Variants in AK1 observed in about 807,000 individuals in gnomAD.
The protein encoded by AK1 is adenylate kinase isoenzyme 1.
AK1 carries 13 observed loss-of-function variants against 23.9 expected under a neutral mutation model. That is an observed-to-expected ratio of 0.54 (90% CI 0.35 to 0.86). The LOEUF is 0.86. Among genes scored for constraint, AK1 ranks in the 40% least tolerant of loss-of-function variants. The pLI, the probability that AK1 is intolerant of heterozygous loss-of-function variation, is 0.01. For missense variants in AK1, 214 were observed against 255.1 expected (o/e 0.84, Z 1.10); for synonymous variants, 97 against 102.8 (o/e 0.94, Z 0.34).
chr9:127,874,334 A>G, intron 2 of AK1: 1 of 985,356 alleles, frequency 1.0e-6, no homozygotes, highest in South Asian at 4.7e-5. Flanking sequence ...TGGCCTCTCC[A>G]TGGGGCAGGG....
At chr9:127,873,238 G>C in intron 2 of AK1, 177 bp from the exon 3 acceptor site, 1 of 1,536,392 alleles carries the variant, frequency 6.5e-7, no homozygotes, top group Non-Finnish European at 8.7e-7. Flanking sequence ...AGTGAGCTCG[G>C]AGCCTGGGAG....
At chr9:127,873,695 T>C in intron 2 of AK1, 1 of 985,390 alleles carries the variant, frequency 1.0e-6, no homozygotes. Context: ...ACAGCCCCAC[T>C]GGGCAGAGGG....
At chr9:127,878,733 G>A (rs1297586653), upstream of AK1, among the ~76,000 whole-genome samples, 1 of 152,206 alleles carries the variant, frequency 6.6e-6, no homozygotes, top group African/African-American at 2.4e-5. Flanking sequence ...CAGGAGACCA[G>A]GAGGCCTGGG....
chr9:127,869,562 G>C (rs1829336771), intron 5 of AK1: 1 of 152,332 alleles, frequency 6.6e-6, no homozygotes, highest in Non-Finnish European at 1.5e-5. Context: ...GTGTGACCTG[G>C]GGCAAGCCCT....
At chr9:127,870,829 A>AATGGGGCATGGGG (rs1395813671) in intron 5 of AK1, among the ~76,000 whole-genome samples, 148 of 52,604 alleles carry the variant, frequency 2.8e-3, no homozygotes, top group African/African-American at 6.2e-3. Context: ...GGGGCATGGG[A>AATGGGGCATGGGG]ATGGGGCATG....
In AK1 at chr9:127,868,234, GCTGGC is replaced by G. The variant is rs1310580634; in HGVS notation, c.516+82_516+86del. 2 of 1,464,574 alleles carry G rather than the reference GCTGGC, an allele frequency of 1.4e-6. No homozygotes were observed. The highest frequency in any genetic ancestry group is 1.9e-6 in the Non-Finnish European group (2 of 1,069,254). 90.7% of individuals were successfully genotyped at this position (1,464,574 alleles called of 1,614,324 possible). A position where few individuals can be genotyped will look rare whatever the true frequency, so the allele number is the denominator to read the frequency against. ...GGGAAACCAAGGCCCAGAGAGAGGG[GCTGGC>G]CTGAGGCCACACAGTGAGCTGAGGC... On this transcript the variant is annotated intron_variant, in intron 6 of 6. Coordinates refer to ENST00000644144, the MANE Select transcript of AK1 (RefSeq NM_000476.3). This position sits in a 1 kb window ranked among gnomAD's most constrained non-coding sequence, Gnocchi z 4.1.
At position 127,871,778 on chromosome 9, in the gene AK1, T is replaced by G. The variant is rs375122190; in HGVS notation, c.324+45A>C. 4.8e-5 allele frequency: 74 copies of G among 1,556,872 alleles called. No homozygotes were observed. The highest frequency in any genetic ancestry group is 6.1e-5 in the Non-Finnish European group (69 of 1,128,776). ...CCCGCCCATGGGGATGGGAGTCTTA[T>G]CCTGCCCCAGCCCACCAGGATCCCC... On this transcript the variant is annotated intron_variant, in intron 5 of 6. Transcript: ENST00000644144. The surrounding 1 kb of genome is among the most constrained non-coding windows in gnomAD (Gnocchi z 4.4).
chr9:127,870,401 A>G (rs1373363399), intron 5 of AK1, among the ~76,000 whole-genome samples: 1 of 152,006 alleles, frequency 6.6e-6, no homozygotes, highest in Non-Finnish European at 1.5e-5. Flanking sequence ...AGTTTTCACC[A>G]TGTTGGCCAG....
chr9:127,876,970 G>A (rs567158806), intron 1 of AK1, among the ~76,000 whole-genome samples: 4 of 152,324 alleles, frequency 2.6e-5, no homozygotes, highest in South Asian at 2.1e-4. Context: ...CAACGTAGTC[G>A]GTTCCCAGTG....
Position 127,877,568 on chromosome 9 carries a change from C to G in AK1, c.-33+55G>C, listed in dbSNP as rs1025748100. The G allele has an allele frequency of 6.5e-5, 10 of 152,712 alleles. No individual in the cohort carries two copies. Among genetic ancestry groups the G allele is most frequent in the African/African-American group, 1.9e-4 (8 of 41,578 alleles). The allele number at this position is 152,712 out of a possible 1,614,324, so 9.5% of individuals were successfully genotyped here. On this transcript the variant is annotated intron_variant, in intron 1 of 6. Transcript: ENST00000644144. The surrounding 1 kb of genome is among the most constrained non-coding windows in gnomAD (Gnocchi z 5.2). ...AGCACGCCCCCGCCCTCCCCCGGTG[C>G]CGCTGCCCCTCCCCGCAGAGGCGCC...
chr9:127,868,455 G>T lies in AK1; in HGVS notation c.382C>A (p.Arg128=). The change falls in exon 6 of 7, where the codon CGG becomes AGG. Residue 128 remains arginine (R), a synonymous_variant. Transcript: ENST00000644144. The surrounding 1 kb of genome is among the most constrained non-coding windows in gnomAD (Gnocchi z 4.1). ...CTGGTCTCTCCACGTTTCAAGAGCC[G>T]CTGGGTCATGGTCTCAGGGCCTGCG... The part of the protein sequence containing the change: ...VDAGPETMTQ[R]LLKRGETSGR... 1.2e-6 allele frequency: 2 copies of T among 1,608,328 alleles called. No homozygotes were observed. Among genetic ancestry groups the T allele is most frequent in the African/African-American group, 1.3e-5 (1 of 74,924 alleles).
At chr9:127,874,081 T>A in intron 2 of AK1, 1 of 985,444 alleles carries the variant, frequency 1.0e-6, no homozygotes, top group Non-Finnish European at 1.2e-6. Flanking sequence ...TGGGTGTCTT[T>A]AAGAGCTGCC....
intron 4 of AK1, 80 bp downstream of exon 4, chr9:127,872,610 C>A (rs1363949009): frequency 4.6e-5 from 73 of 1,585,194 alleles, no homozygotes; most frequent in Non-Finnish European, 5.7e-5. Flanking sequence ...TGCCTGTGTG[C>A]CGTGGGCTTT....
rs768691465 is a variant in AK1, at chr9:127,868,028, G to A, written c.565C>T (p.His189Tyr). 6.2e-7 allele frequency: 1 copy of A among 1,614,150 alleles called. No individual in the cohort carries two copies. The highest frequency in any genetic ancestry group is 8.5e-7 in the Non-Finnish European group (1 of 1,180,016). ...VDSVFSQVCTHLDALK is the reference protein window; with the variant it reads ...VDSVFSQVCTYLDALK ...CGTTGCTACTTTAGGGCGTCCAGGT[G>A]GGTGCAGACCTGGGAGAAGACACTG... The change falls in exon 7 of 7, where the codon CAC (histidine) becomes TAC (tyrosine). Residue 189 changes from histidine to tyrosine, a missense_variant. Transcript: ENST00000644144. This position sits in a 1 kb window ranked among gnomAD's most constrained non-coding sequence, Gnocchi z 4.1.
intron 5 of AK1, among the ~76,000 whole-genome samples, chr9:127,870,840 G>A (rs2131398492): frequency 7.3e-6 from 1 of 137,230 alleles, no homozygotes; most frequent in South Asian, 2.3e-4. Flanking sequence ...ATGGGGCATG[G>A]GGATGGGAGT....
In AK1 at chr9:127,868,355, A is replaced by G. The variant is rs1829298088; in HGVS notation, c.482T>C (p.Ile161Thr). ...AATGCCACGTTTCTCATAGAAGGCG[A>G]TGACAGGTTCTGTGGCCTTGTAATA... ...ETYYKATEPV[I>T]AFYEKRGIVR... Residue 161 changes from isoleucine to threonine, a missense_variant, in exon 6 of 7, where the codon ATC becomes ACC. Ile to Thr is a moderately conservative substitution (Grantham distance 89). Coordinates refer to ENST00000644144, the MANE Select transcript of AK1 (RefSeq NM_000476.3). The surrounding 1 kb of genome is among the most constrained non-coding windows in gnomAD (Gnocchi z 4.1). 1.9e-6 allele frequency: 3 copies of G among 1,608,514 alleles called. No individual in the cohort carries two copies. The highest frequency in any genetic ancestry group is 2.7e-5 in the African/African-American group (2 of 74,832).
At chr9:127,874,021 T>C (rs1829480929) in intron 2 of AK1, 4 of 985,242 alleles carry the variant, frequency 4.1e-6, no homozygotes, top group Admixed American at 1.2e-4. Flanking sequence ...CTATGGCTGT[T>C]GATATTTGGA....
At chr9:127,874,454 G>C (rs980845445) in intron 2 of AK1, 157 bp downstream of exon 2, 1 of 985,336 alleles carries the variant, frequency 1.0e-6, no homozygotes, top group Non-Finnish European at 1.2e-6. Context: ...TCCCGTGAGA[G>C]GCCAGAGGAG....
At position 127,871,769 on chromosome 9, in the gene AK1, G is replaced by T; in HGVS notation, c.324+54C>A. The T allele has an allele frequency of 6.8e-7, 1 of 1,480,314 alleles. No homozygotes were observed. The highest frequency in any genetic ancestry group is 1.4e-5 in the African/African-American group (1 of 71,912). The allele number at this position is 1,480,314 out of a possible 1,614,324, so 91.7% of individuals were successfully genotyped here. ...CCCCGCAGGCCCGCCCATGGGGATGGGAGTCTTATCCTGCCCCAGCCCACC... is the reference window on the plus strand; with the variant it reads ...CCCCGCAGGCCCGCCCATGGGGATGTGAGTCTTATCCTGCCCCAGCCCACC... On this transcript the variant is annotated intron_variant, in intron 5 of 6. Transcript: ENST00000644144. This position sits in a 1 kb window ranked among gnomAD's most constrained non-coding sequence, Gnocchi z 4.4.
Sources: gnomAD v4.1 joint callset for allele counts (sites outside exome capture counted in the v4.1 genomes callset) on GRCh38, gnomAD v4.1.1 for gene constraint, Gnocchi (gnomAD v3.1) non-coding constraint, MANE v1.5 for transcripts, NCBI Gene and HGNC (gene_info 2026-07-23, HGNC 2026-07-21) for gene names.